The following DOK5 variants were observed in gnomAD, a reference collection of about 807,000 sequenced individuals.
DOK5 encodes the protein downstream of tyrosine kinase 5.
Under a neutral mutation model 43.3 loss-of-function variants are expected in DOK5, and 27 were observed. That is an observed-to-expected ratio of 0.62 (90% confidence interval 0.46 to 0.86). DOK5 has a LOEUF of 0.86. Among genes scored for constraint, DOK5 ranks in the 40% least tolerant of loss-of-function variants. The pLI, the probability that DOK5 is intolerant of heterozygous loss-of-function variation, is 0.00. For missense variants in DOK5, 373 were observed against 392.9 expected (o/e 0.95, Z 0.43); for synonymous variants, 146 against 140.1 (o/e 1.04, Z -0.30).
intron 5 of DOK5, among the ~76,000 whole-genome samples, chr20:54,595,607 T>C (rs776019241): frequency 1.3e-5 from 2 of 152,234 alleles, no homozygotes; most frequent in Non-Finnish European, 2.9e-5. Context: ...GGTTAGATGA[T>C]TATAATATTC....
intron 1 of DOK5, among the ~76,000 whole-genome samples, chr20:54,478,010 T>G (rs1017153204): frequency 9.2e-5 from 14 of 152,330 alleles, no homozygotes; most frequent in Non-Finnish European, 1.5e-4. Context: ...TTTACAGCAT[T>G]TTGGATGCTA....
chr20:54,479,131 G>T (rs1410636181), intron 1 of DOK5, among the ~76,000 whole-genome samples: 1 of 152,054 alleles, frequency 6.6e-6, no homozygotes, highest in Non-Finnish European at 1.5e-5. Context: ...CCATTCAAAT[G>T]GGTCACAGAT....
intron 4 of DOK5, among the ~76,000 whole-genome samples, chr20:54,589,787 C>T (rs929140974): frequency 6.6e-6 from 1 of 152,154 alleles, no homozygotes. Flanking sequence ...CTTCATGACA[C>T]ATTTACAATC....
Position 54,556,041 on chromosome 20 carries a change from G to A in DOK5, c.174+1001G>A, listed in dbSNP as rs567336788. 2.6e-5 allele frequency among the ~76,000 whole-genome samples: 4 copies of A among 152,250 alleles called. No homozygotes were observed. The East Asian group carries it at 7.7e-4, about 29-fold the overall frequency. On this transcript the variant is annotated intron_variant, in intron 2 of 7. Transcript: ENST00000262593. ...GTTTATATGATGATGAAAACAATGG[G>A]GAAGCTGCATTTCTTCTCAAATTAG...
intron 2 of DOK5, among the ~76,000 whole-genome samples, chr20:54,566,590 A>T (rs1985105593): frequency 6.6e-6 from 1 of 152,172 alleles, no homozygotes; most frequent in African/African-American, 2.4e-5. Flanking sequence ...AGCATTTGGC[A>T]TTTGGTGGTG....
Sources: gnomAD v4.1 joint callset for allele counts (sites outside exome capture counted in the v4.1 genomes callset) on GRCh38, gnomAD v4.1.1 for gene constraint, MANE v1.5 for transcripts, NCBI Gene and HGNC (gene_info 2026-07-23, HGNC 2026-07-21) for gene names.